The following PROKR2 variants were observed in gnomAD, a reference collection of about 807,000 sequenced individuals.
The protein encoded by PROKR2 is prokineticin receptor 2, also known as G protein-coupled receptor 73-like 1.
A neutral mutation model predicts 23.4 loss-of-function variants in PROKR2; 26 were observed. The ratio of observed to expected loss-of-function variants is 1.11; its 90% CI spans 0.81 to 1.54. The LOEUF (loss-of-function observed/expected upper bound fraction) is 1.54. Among genes scored for constraint, PROKR2 ranks in the 40% most tolerant of loss-of-function variants. The probability of loss-of-function intolerance (pLI) is 0.00; values close to 1 mark genes in which losing one functional copy is unlikely to be tolerated. For synonymous variants in PROKR2, 212 were observed against 201.2 expected, an observed-to-expected ratio of 1.05 and a Z score of -0.45; for missense variants, 453 against 511.5, an observed-to-expected ratio of 0.89 and a Z score of 1.10.
rs1749518074 is a variant in PROKR2, at chr20:5,316,284, A to G, written c.-9+210T>C. On this transcript the variant is annotated intron_variant, in intron 1 of 2. Coordinates refer to ENST00000678254, the MANE Select transcript of PROKR2 (RefSeq NM_144773.4). This position sits in a 1 kb window ranked among gnomAD's most constrained non-coding sequence, Gnocchi z 5.0. The stretch of plus-strand genomic sequence containing the variant: ...CGCCCGCACACCACAGACTCCGCTT[A>G]CCGTACCCTACCCGGTCCTAGAGGG... 2.2e-6 allele frequency: 1 copy of G among 456,532 alleles called. No homozygotes were observed. Among genetic ancestry groups the G allele is most frequent in the African/African-American group, 2.0e-5 (1 of 50,142 alleles). The allele number at this position is 456,532 out of a possible 1,614,324, so 28.3% of individuals were successfully genotyped here. A position where few individuals can be genotyped will look rare whatever the true frequency, so the allele number is the denominator to read the frequency against.
At chr20:5,305,907 T>TG (rs1979201520) in intron 2 of PROKR2, among the ~76,000 whole-genome samples, 1 of 152,180 alleles carries the variant, frequency 6.6e-6, no homozygotes, top group Non-Finnish European at 1.5e-5. Flanking sequence ...TATAAATTTA[T>TG]GGGGGAGAGA....
At chr20:5,308,347 G>A (rs945101909) in intron 2 of PROKR2, among the ~76,000 whole-genome samples, 7 of 152,222 alleles carry the variant, frequency 4.6e-5, no homozygotes, top group African/African-American at 1.7e-4. Context: ...GGCCCGCCCA[G>A]GGCAGAAAAC....
chr20:5,316,475 CAGGGATCTA>C lies in PROKR2; in HGVS notation c.-9+10_-9+18del, dbSNP rs1484004696. The C allele has an allele frequency of 6.9e-6, 3 of 432,156 alleles. No homozygotes were observed. The highest frequency in any genetic ancestry group is 1.4e-5 in the Non-Finnish European group (3 of 214,852). The allele number at this position is 432,156 out of a possible 1,614,324, so 26.8% of individuals were successfully genotyped here. On this transcript the variant is annotated intron_variant, in intron 1 of 2. Coordinates refer to ENST00000678254, the MANE Select transcript of PROKR2 (RefSeq NM_144773.4). This position sits in a 1 kb window ranked among gnomAD's most constrained non-coding sequence, Gnocchi z 5.0. ...CCGCACCGACTGAGTCCCGGGACTGCAGGGATCTAAGCCCTTACCTGTCTCGGCGCCTCC... is the reference window on the plus strand; with the variant it reads ...CCGCACCGACTGAGTCCCGGGACTGCAGCCCTTACCTGTCTCGGCGCCTCC...
rs1381073853 is a variant in PROKR2 at position 5,302,258 on chromosome 20, T to C, written c.937A>G (p.Thr313Ala). ...TVFVKEKHYL[T>A]AFYVVECIAM... The stretch of plus-strand genomic sequence containing the variant: ...ATGCACTCGACCACGTAGAAGGCAG[T>C]GAGGTAGTGCTTTTCCTTCACGAAC... The change falls in exon 3 of 3, where the codon ACT (threonine) becomes GCT (alanine). Residue 313 changes from threonine (T) to alanine (A), a missense_variant. Coordinates refer to ENST00000678254, the MANE Select transcript of PROKR2 (RefSeq NM_144773.4). The C allele has an allele frequency of 3.1e-6, 5 of 1,614,072 alleles. No homozygotes were observed. In the South Asian group the frequency reaches 4.4e-5, roughly 14 times the overall value.
intron 2 of PROKR2, among the ~76,000 whole-genome samples, chr20:5,309,573 T>C (rs73893926): frequency 6.6e-6 from 1 of 152,262 alleles, no homozygotes; most frequent in African/African-American, 2.4e-5. Flanking sequence ...GTATAATTTC[T>C]ATATTTTAAG....
intron 1 of PROKR2, chr20:5,315,946 C>T: frequency 2.2e-6 from 1 of 456,446 alleles, no homozygotes; most frequent in Non-Finnish European, 4.4e-6. Flanking sequence ...GATTGCACTC[C>T]CCGCCCGGGA....
chr20:5,313,715 C>G (rs1032942319), intron 2 of PROKR2, among the ~76,000 whole-genome samples, 197 bp downstream of exon 2: 1 of 152,328 alleles, frequency 6.6e-6, no homozygotes, highest in Middle Eastern at 3.4e-3. Context: ...GGGCATGGCC[C>G]AGAGATGGGC....
chr20:5,299,985 A>T lies in PROKR2; in HGVS notation c.*2055T>A, dbSNP rs1202297810. Among the ~76,000 whole-genome samples the T allele has an allele frequency of 6.6e-6, 1 of 152,240 alleles. No homozygotes were observed. Among genetic ancestry groups the T allele is most frequent in the Non-Finnish European group, 1.5e-5 (1 of 68,044 alleles). ...GAGTCTGCTGGGTGGTGATAGAAAG[A>T]AATATTGGTTGAAACTTCAGTCAGA... is the stretch of plus-strand genomic sequence containing the variant. On this transcript the variant is annotated 3_prime_UTR_variant, in exon 3 of 3. Coordinates refer to ENST00000678254, the MANE Select transcript of PROKR2 (RefSeq NM_144773.4).
chr20:5,304,697 G>C (rs542143368), intron 2 of PROKR2, among the ~76,000 whole-genome samples: 1 of 152,162 alleles, frequency 6.6e-6, no homozygotes, highest in Admixed American at 6.5e-5. Flanking sequence ...CCTTCCTTTA[G>C]TGCTATAAAA....
intron 2 of PROKR2, among the ~76,000 whole-genome samples, chr20:5,307,648 G>A (rs963071742): frequency 1.6e-4 from 24 of 152,200 alleles, no homozygotes; most frequent in African/African-American, 5.6e-4. Context: ...CTCAGTCTGC[G>A]TGCCATGGCC....
In PROKR2 at chr20:5,299,631, T is replaced by C. The variant is rs1431243629; in HGVS notation, c.*2409A>G. On this transcript the variant is annotated 3_prime_UTR_variant, in exon 3 of 3. Transcript: ENST00000678254. The stretch of plus-strand genomic sequence containing the variant: ...ATTATAGTGTGTTTGCATTTTCTTT[T>C]ATTTTCCTTTTGAGATGGAATCTTG... Among the ~76,000 whole-genome samples the C allele has an allele frequency of 6.6e-6, 1 of 152,150 alleles. No individual in the cohort carries two copies. Among genetic ancestry groups the C allele is most frequent in the East Asian group, 1.9e-4 (1 of 5,196 alleles).
At position 5,314,257 on chromosome 20, in the gene PROKR2, TC is replaced by T; in HGVS notation, c.112del (p.Asp38MetfsTer6). The part of the protein sequence containing the change: ...FSYGDYDLPM[D>X]EDEDMTKTRT... ...GGTCTTGGTCATGTCCTCATCCTCA[TC>T]CATAGGGAGGTCATAATCACCATAA... On this transcript the variant is annotated frameshift_variant, in exon 2 of 3. Coordinates refer to ENST00000678254, the MANE Select transcript of PROKR2 (RefSeq NM_144773.4). LOFTEE classifies it high-confidence loss of function. 1 of 1,614,146 alleles carries T rather than the reference TC, an allele frequency of 6.2e-7. No homozygotes were observed. Among genetic ancestry groups the T allele is most frequent in the Middle Eastern group, 1.6e-4 (1 of 6,062 alleles).
rs1644401817 is a variant in PROKR2, at chr20:5,300,076, A to G, written c.*1964T>C. Among the ~76,000 whole-genome samples, 1 of 152,262 alleles carries G rather than the reference A, an allele frequency of 6.6e-6. No homozygotes were observed. The highest frequency in any genetic ancestry group is 2.1e-4 in the South Asian group (1 of 4,836). ...ACAATTAATTCCTTGTCTATAAAAA[A>G]TTAGGAATTGGTCAAATATGGTTGG... On this transcript the variant is annotated 3_prime_UTR_variant, in exon 3 of 3. Transcript: ENST00000678254.
At chr20:5,315,844 G>A (rs1193406017) in intron 1 of PROKR2, 1 of 456,558 alleles carries the variant, frequency 2.2e-6, no homozygotes, top group Admixed American at 2.3e-5. Context: ...CCAAGAATGG[G>A]GAGTCCTACC....
chr20:5,307,122 G>A (rs964563565), intron 2 of PROKR2, among the ~76,000 whole-genome samples: 9 of 152,060 alleles, frequency 5.9e-5, no homozygotes, highest in Middle Eastern at 3.4e-3. Context: ...CAGTCATGTC[G>A]AGACTGATGC....
Position 5,311,140 on chromosome 20 carries a change from C to T in PROKR2, c.458+2772G>A, listed in dbSNP as rs1979428812. ...ATGGATGAGTATGGATTTCAGGGGA[C>T]AGTCAGGAGCCCCCGGGGAGTGAAA... On this transcript the variant is annotated intron_variant, in intron 2 of 2. Coordinates refer to ENST00000678254, the MANE Select transcript of PROKR2 (RefSeq NM_144773.4). Among the ~76,000 whole-genome samples, 3 of 152,232 alleles carry T rather than the reference C, an allele frequency of 2.0e-5. No homozygotes were observed. The South Asian group carries it at 6.2e-4, about 32-fold the overall frequency.
chr20:5,314,556 C>T (rs902169636), intron 1 of PROKR2, among the ~76,000 whole-genome samples, 179 bp from the exon 2 acceptor site: 1 of 152,170 alleles, frequency 6.6e-6, no homozygotes, highest in Non-Finnish European at 1.5e-5. Flanking sequence ...GGTCACATTC[C>T]CTGAGTTCCC....
In PROKR2 at chr20:5,314,029, T is replaced by C. The variant is rs1357242204; in HGVS notation, c.341A>G (p.Tyr114Cys). The change falls in exon 2 of 3, where the codon TAC becomes TGC. Residue 114 changes from tyrosine (Y) to cysteine (C), a missense_variant. Tyr to Cys is a radical substitution (Grantham distance 194, BLOSUM62 -2). Transcript: ENST00000678254. ...IICCPFEMDY[Y>C]VVRQLSWEHG... ...CTCCCAGGAGAGCTGCCGTACCACG[T>C]AGTAGTCCATCTCGAAGGGGCAGCA... 7.4e-6 allele frequency: 12 copies of C among 1,614,118 alleles called. No homozygotes were observed. Among genetic ancestry groups the C allele is most frequent in the Non-Finnish European group, 1.0e-5 (12 of 1,180,004 alleles).
chr20:5,307,865 C>T (rs1411695266), intron 2 of PROKR2, among the ~76,000 whole-genome samples: 1 of 152,148 alleles, frequency 6.6e-6, no homozygotes, highest in African/African-American at 2.4e-5. Flanking sequence ...AATAAAAAAG[C>T]ATCTAGAAAG....
Sources: allele counts gnomAD v4.1 joint callset (sites outside exome capture counted in the v4.1 genomes callset), GRCh38; gene constraint gnomAD v4.1.1; non-coding constraint Gnocchi (gnomAD v3.1); transcripts MANE v1.5; gene names NCBI Gene and HGNC (gene_info 2026-07-23, HGNC 2026-07-21).